The following MDM2 variants were observed in gnomAD, a reference collection of about 807,000 sequenced individuals.
MDM2 encodes E3 ubiquitin-protein ligase Mdm2.
A neutral mutation model predicts 64.3 loss-of-function variants in MDM2; 11 were observed. That is an observed-to-expected ratio of 0.17 (90% CI 0.11 to 0.28). The LOEUF (loss-of-function observed/expected upper bound fraction) is 0.28, where lower values mean the gene tolerates loss of function less well. Ranked by LOEUF, MDM2 falls within the 10% of genes least tolerant of loss-of-function variation. The pLI is 1.00. For missense variants in MDM2, 388 were observed against 577.1 expected, an observed-to-expected ratio of 0.67 and a Z score of 3.36; for synonymous variants, 194 against 192.9, an observed-to-expected ratio of 1.01 and a Z score of -0.05.
intron 8 of MDM2, among the ~76,000 whole-genome samples, chr12:68,831,473 G>T (rs565171100): frequency 6.6e-6 from 1 of 152,144 alleles, no homozygotes; most frequent in South Asian, 2.1e-4. Flanking sequence ...TTACACACGG[G>T]GTTATGTGGG....
At chr12:68,836,072 C>A in intron 9 of MDM2, 88 bp downstream of exon 9, 1 of 1,167,760 alleles carries the variant, frequency 8.6e-7, no homozygotes, top group Non-Finnish European at 1.2e-6. Flanking sequence ...TAATATTATT[C>A]AGATTTCACT....
chr12:68,832,532 A>G (rs968997044), intron 8 of MDM2, among the ~76,000 whole-genome samples: 10 of 151,986 alleles, frequency 6.6e-5, no homozygotes, highest in Non-Finnish European at 1.2e-4. Flanking sequence ...TAAATTTTTG[A>G]GACAGTCTCT....
intron 8 of MDM2, among the ~76,000 whole-genome samples, 161 bp from the exon 9 acceptor site, chr12:68,835,668 C>CCCG (rs1883244722): frequency 6.6e-6 from 1 of 152,230 alleles, no homozygotes; most frequent in Non-Finnish European, 1.5e-5. Flanking sequence ...TAGTCTTCTG[C>CCCG]CCGCCGATCT....
rs1392506429 is a variant in MDM2 at position 68,843,742 on chromosome 12, G to T, written c.*3893G>T. On this transcript the variant is annotated 3_prime_UTR_variant, in exon 11 of 11. Coordinates refer to ENST00000258149, the MANE Select transcript of MDM2 (RefSeq NM_002392.6). ...GTCTGTCTCAATAAATGGCCAAAGG[G>T]ATTAGTAGTTTACCTGTGGAGGTCC... The T allele has an allele frequency of 9.0e-6, 2 of 223,244 alleles. No individual in the cohort carries two copies. Among genetic ancestry groups the T allele is most frequent in the African/African-American group, 2.2e-5 (1 of 44,584 alleles). 13.8% of individuals were successfully genotyped at this position (223,244 alleles called of 1,614,324 possible).
chr12:68,844,940 G>T lies in MDM2; in HGVS notation c.*5091G>T, dbSNP rs907299655. 3.6e-5 allele frequency: 7 copies of T among 195,130 alleles called. No homozygotes were observed. The highest frequency in any genetic ancestry group is 1.4e-4 in the African/African-American group (6 of 43,128). The allele number at this position is 195,130 out of a possible 1,614,324, so 12.1% of individuals were successfully genotyped here. A position where few individuals can be genotyped will look rare whatever the true frequency, so the allele number is the denominator to read the frequency against. On this transcript the variant is annotated 3_prime_UTR_variant, in exon 11 of 11. Coordinates refer to ENST00000258149, the MANE Select transcript of MDM2 (RefSeq NM_002392.6). ...CTGTCACCACGCCCCGCTAATTTTT[G>T]TATTTCTAGCAGAGATGAAGTTTCA...
intron 2 of MDM2, among the ~76,000 whole-genome samples, chr12:68,812,093 A>G (rs1880951468): frequency 1.3e-5 from 2 of 152,208 alleles, no homozygotes; most frequent in Non-Finnish European, 2.9e-5. Flanking sequence ...TTTGAAGCTA[A>G]TATAGCATAT....
intron 8 of MDM2, among the ~76,000 whole-genome samples, chr12:68,834,731 C>CATCTCAAA (rs1475703712): frequency 1.3e-5 from 2 of 152,238 alleles, no homozygotes; most frequent in South Asian, 4.1e-4. Context: ...AGCAAGATTC[C>CATCTCAAA]ATCTCAAAAT....
chr12:68,828,203 C>T (rs1408890006), intron 7 of MDM2: 2 of 152,092 alleles, frequency 1.3e-5, no homozygotes, highest in Admixed American at 1.3e-4. Flanking sequence ...AACACTTTGG[C>T]TCTTTTCGGA....
At chr12:68,809,141 A>G in intron 1 of MDM2, 67 bp from the exon 2 acceptor site, 1 of 1,597,138 alleles carries the variant, frequency 6.3e-7, no homozygotes, top group Non-Finnish European at 8.5e-7. Flanking sequence ...TGTTCTTTAT[A>G]TATGATGTAT....
At chr12:68,847,311 TG>T (rs1160264483), downstream of MDM2, 5 of 148,176 alleles carry the variant, frequency 3.4e-5, no homozygotes, top group Admixed American at 1.3e-4. Flanking sequence ...CTCAAAATGC[TG>T]GGATTACAGG....
intron 8 of MDM2, among the ~76,000 whole-genome samples, chr12:68,833,652 C>A (rs1390190378): frequency 6.6e-6 from 1 of 151,920 alleles, no homozygotes; most frequent in Non-Finnish European, 1.5e-5. Context: ...GTTTCTGTCA[C>A]AGCTACTCAG....
chr12:68,808,440 T>G lies in MDM2; in HGVS notation c.-38T>G, dbSNP rs1228058275. 1.9e-6 allele frequency: 3 copies of G among 1,612,540 alleles called. No individual in the cohort carries two copies. Among genetic ancestry groups the G allele is most frequent in the Admixed American group, 1.7e-5 (1 of 59,908 alleles). Reference sequence around the variant, plus strand: ...GCGCCCCGTGAAGGAAACTGGGGAGTCTTGAGGGACCCCCGACTCCAAGCG... The same window carrying G: ...GCGCCCCGTGAAGGAAACTGGGGAGGCTTGAGGGACCCCCGACTCCAAGCG... On this transcript the variant is annotated 5_prime_UTR_variant, in exon 1 of 11. Coordinates refer to ENST00000258149, the MANE Select transcript of MDM2 (RefSeq NM_002392.6).
At position 68,835,480 on chromosome 12, in the gene MDM2, A is replaced by G. The variant is rs772998686; in HGVS notation, c.685-349A>G. Among the ~76,000 whole-genome samples, 5 of 152,258 alleles carry G rather than the reference A, an allele frequency of 3.3e-5. No individual in the cohort carries two copies. In the East Asian group the frequency reaches 9.6e-4, roughly 29 times the overall value. On this transcript the variant is annotated intron_variant, in intron 8 of 10. Transcript: ENST00000258149. ...CAGACGAAGATGTTAATACAGTCAC[A>G]CTGTAGGTACTTTCGATGCCAAGAG...
Position 68,844,748 on chromosome 12 carries a change from C to G in MDM2, c.*4899C>G, listed in dbSNP as rs960498150. 1 of 209,100 alleles carries G rather than the reference C, an allele frequency of 4.8e-6. No homozygotes were observed. Among genetic ancestry groups the G allele is most frequent in the Non-Finnish European group, 9.7e-6 (1 of 102,884 alleles). The allele number at this position is 209,100 out of a possible 1,614,324, so 13.0% of individuals were successfully genotyped here. On this transcript the variant is annotated 3_prime_UTR_variant, in exon 11 of 11. Coordinates refer to ENST00000258149, the MANE Select transcript of MDM2 (RefSeq NM_002392.6). ...TTATATAATTAAGATTTTTTAAATC[C>G]TTAATAAGGGTTTTATTTTATTTTT...
chr12:68,848,216 T>C (rs1337281295), downstream of MDM2: 1 of 152,282 alleles, frequency 6.6e-6, no homozygotes, highest in East Asian at 1.9e-4. Flanking sequence ...GGCGTCTTGC[T>C]CTGTTGCCCA....
chr12:68,816,980 T>G (rs1407613355), intron 4 of MDM2, 35 bp downstream of exon 4: 1 of 1,603,782 alleles, frequency 6.2e-7, no homozygotes, highest in Admixed American at 1.8e-5. Flanking sequence ...TAAAAAGCCA[T>G]CTGGGCTAAC....
Position 68,816,797 on chromosome 12 carries a change from A to T in MDM2, c.175-15A>T. ...TAGTTTTCTTTAATGCTCAGAAATCATATTTGTATTTCAGGTTCTTTTTTA... is the reference window on the plus strand; with the variant it reads ...TAGTTTTCTTTAATGCTCAGAAATCTTATTTGTATTTCAGGTTCTTTTTTA... On this transcript the variant is annotated splice_polypyrimidine_tract_variant and intron_variant, in intron 3 of 10. Coordinates refer to ENST00000258149, the MANE Select transcript of MDM2 (RefSeq NM_002392.6). The T allele has an allele frequency of 6.4e-7, 1 of 1,565,556 alleles. No homozygotes were observed. The highest frequency in any genetic ancestry group is 8.6e-7 in the Non-Finnish European group (1 of 1,157,524).
At chr12:68,831,694 A>G (rs891918232) in intron 8 of MDM2, among the ~76,000 whole-genome samples, 10 of 152,224 alleles carry the variant, frequency 6.6e-5, no homozygotes, top group African/African-American at 2.4e-4. Flanking sequence ...TAATTTCTTA[A>G]TAACTCGTGT....
At chr12:68,816,123 A>G (rs1360117672) in intron 3 of MDM2, among the ~76,000 whole-genome samples, 2 of 152,012 alleles carry the variant, frequency 1.3e-5, no homozygotes, top group African/African-American at 4.8e-5. Context: ...ATTTATGACT[A>G]TTTACTAAGT....
Sources: gnomAD v4.1 joint callset for allele counts (sites outside exome capture counted in the v4.1 genomes callset) on GRCh38, gnomAD v4.1.1 for gene constraint, MANE v1.5 for transcripts, NCBI Gene and HGNC (gene_info 2026-07-23, HGNC 2026-07-21) for gene names.